The following DCLK2 variants were observed in gnomAD, a reference collection of about 807,000 sequenced individuals.
DCLK2 encodes doublecortin like kinase 2.
In DCLK2, 31 loss-of-function variants were observed where a neutral mutation model predicts 78.4. That is an observed-to-expected ratio of 0.40 (90% CI 0.30 to 0.53). The LOEUF (loss-of-function observed/expected upper bound fraction) is 0.53. Ranked by LOEUF, DCLK2 falls within the 20% of genes least tolerant of loss-of-function variation. DCLK2 has a pLI of 0.61. For synonymous variants in DCLK2, 407 were observed against 374.9 expected (o/e 1.09, Z -0.99); for missense variants, 872 against 973.7 (o/e 0.90, Z 1.39).
rs1405589615 is a variant in DCLK2 at position 150,078,932 on chromosome 4, C to G, written c.-96C>G. The G allele has an allele frequency of 2.2e-6, 3 of 1,384,880 alleles. No homozygotes were observed. In the East Asian group the frequency reaches 8.4e-5, roughly 39 times the overall value. The allele number at this position is 1,384,880 out of a possible 1,614,324, so 85.8% of individuals were successfully genotyped here. On this transcript the variant is annotated 5_prime_UTR_variant, in exon 1 of 16. Transcript: ENST00000296550. The stretch of plus-strand genomic sequence containing the variant: ...GATGCCAGAGCCAGGTGTCCCGGCG[C>G]GTTAAGGGCCCTCGCAGTCAGACGT...
At chr4:150,250,451 C>G (rs939130040) in intron 15 of DCLK2, among the ~76,000 whole-genome samples, 1 of 152,214 alleles carries the variant, frequency 6.6e-6, no homozygotes, top group Admixed American at 6.5e-5. Context: ...AAGGCCAGCT[C>G]ACCGTGAGCA....
chr4:150,191,073 T>C (rs545054791), intron 2 of DCLK2, among the ~76,000 whole-genome samples: 190 of 152,194 alleles, frequency 1.2e-3, no homozygotes, highest in African/African-American at 4.3e-3. Flanking sequence ...TGCAGTGAGC[T>C]GAGACTGTGT....
chr4:150,112,123 A>G (rs1158154106), intron 2 of DCLK2, among the ~76,000 whole-genome samples: 1 of 152,036 alleles, frequency 6.6e-6, no homozygotes, highest in Non-Finnish European at 1.5e-5. Context: ...CTGTTGTGTT[A>G]CCTTTGATTT....
intron 2 of DCLK2, among the ~76,000 whole-genome samples, chr4:150,119,160 C>G (rs1268156656): frequency 6.6e-6 from 1 of 152,048 alleles, no homozygotes; most frequent in Non-Finnish European, 1.5e-5. Context: ...TTCTTTCTTA[C>G]CGTACTCTTC....
At chr4:150,093,331 A>G (rs1486011227) in intron 1 of DCLK2, among the ~76,000 whole-genome samples, 1 of 152,222 alleles carries the variant, frequency 6.6e-6, no homozygotes, top group Non-Finnish European at 1.5e-5. Context: ...AAATTCCCAC[A>G]TTTCCCAAAG....
chr4:150,175,044 T>TTA (rs1356613154), intron 2 of DCLK2, among the ~76,000 whole-genome samples: 9 of 34,396 alleles, frequency 2.6e-4, no homozygotes, highest in South Asian at 1.7e-3. Flanking sequence ...TTATATATAT[T>TTA]TATATATTTA....
At chr4:150,145,167 G>A (rs1734382268) in intron 2 of DCLK2, among the ~76,000 whole-genome samples, 1 of 152,044 alleles carries the variant, frequency 6.6e-6, no homozygotes, top group Admixed American at 6.6e-5. Context: ...TTCTCAGCTT[G>A]AAAGTAAAAC....
chr4:150,082,684 G>T (rs1002866470), intron 1 of DCLK2, among the ~76,000 whole-genome samples: 1 of 152,204 alleles, frequency 6.6e-6, no homozygotes, highest in Non-Finnish European at 1.5e-5. Flanking sequence ...ATCAATATTG[G>T]AAAAATTAGT....
At chr4:150,177,123 A>T (rs1407320252) in intron 2 of DCLK2, among the ~76,000 whole-genome samples, 1 of 152,190 alleles carries the variant, frequency 6.6e-6, no homozygotes, top group Non-Finnish European at 1.5e-5. Context: ...GTCTTGTGTT[A>T]TAATGTAGAA....
intron 4 of DCLK2, among the ~76,000 whole-genome samples, chr4:150,201,672 T>C (rs558512787): frequency 1.3e-5 from 2 of 152,174 alleles, no homozygotes; most frequent in Non-Finnish European, 2.9e-5. Context: ...TCTCCTTCAG[T>C]CCCTTTCCTA....
chr4:150,127,390 C>T (rs1403963735), intron 2 of DCLK2, among the ~76,000 whole-genome samples: 1 of 152,140 alleles, frequency 6.6e-6, no homozygotes, highest in Admixed American at 6.5e-5. Flanking sequence ...AGAGCTATCC[C>T]TTCTCCCCTA....
intron 2 of DCLK2, among the ~76,000 whole-genome samples, chr4:150,162,841 C>T (rs1397029116): frequency 6.6e-6 from 1 of 152,126 alleles, no homozygotes; most frequent in Non-Finnish European, 1.5e-5. Context: ...TAAGTTTAAC[C>T]TAGAAGTAGC....
intron 2 of DCLK2, among the ~76,000 whole-genome samples, chr4:150,178,762 G>A (rs769517073): frequency 2.0e-5 from 3 of 152,124 alleles, no homozygotes; most frequent in Non-Finnish European, 2.9e-5. Flanking sequence ...TGAAATTTGG[G>A]AACTGAAGTT....
At chr4:150,229,662 G>A (rs980048942) in intron 8 of DCLK2, among the ~76,000 whole-genome samples, 2 of 152,166 alleles carry the variant, frequency 1.3e-5, no homozygotes, top group East Asian at 1.9e-4. Flanking sequence ...CTCTTTGTAC[G>A]TTAAAAATCA....
At chr4:150,117,942 A>G (rs988838195) in intron 2 of DCLK2, among the ~76,000 whole-genome samples, 3 of 152,214 alleles carry the variant, frequency 2.0e-5, no homozygotes, top group South Asian at 2.1e-4. Flanking sequence ...TTGTATATTC[A>G]TATTCTCCAC....
At chr4:150,110,516 A>C (rs376312435) in intron 2 of DCLK2, among the ~76,000 whole-genome samples, 1 of 152,038 alleles carries the variant, frequency 6.6e-6, no homozygotes, top group Admixed American at 6.5e-5. Context: ...TTTAGGACAC[A>C]GTGGTTTTTG....
At chr4:150,239,614 C>T in intron 10 of DCLK2, 128 bp from the exon 11 acceptor site, 4 of 1,276,762 alleles carry the variant, frequency 3.1e-6, no homozygotes, top group Non-Finnish European at 2.2e-6. Flanking sequence ...AAAAAAAAAT[C>T]ACAAGGAGAG....
At chr4:150,199,117 T>C in intron 4 of DCLK2, 1 of 1,554,914 alleles carries the variant, frequency 6.4e-7, no homozygotes, top group African/African-American at 1.4e-5. Flanking sequence ...CTCTGCTGGG[T>C]TTTTGTTTTT....
chr4:150,154,660 C>T (rs1359366759), intron 2 of DCLK2, among the ~76,000 whole-genome samples: 1 of 152,050 alleles, frequency 6.6e-6, no homozygotes, highest in African/African-American at 2.4e-5. Context: ...TTTGTTGAAG[C>T]CTCCACTAGA....
Sources: allele counts gnomAD v4.1 joint callset (sites outside exome capture counted in the v4.1 genomes callset), GRCh38; gene constraint gnomAD v4.1.1; transcripts MANE v1.5; gene names NCBI Gene and HGNC (gene_info 2026-07-23, HGNC 2026-07-21).